OPCML: variants seen among roughly 807,000 people sequenced by gnomAD.
OPCML encodes opioid-binding protein/cell adhesion molecule.
A neutral mutation model predicts 37.8 loss-of-function variants in OPCML; 13 were observed. The ratio of observed to expected loss-of-function variants is 0.34; its 90% CI spans 0.22 to 0.55. The LOEUF (loss-of-function observed/expected upper bound fraction) is 0.55. Among genes scored for constraint, OPCML ranks in the 20% least tolerant of loss-of-function variants. OPCML has a pLI of 0.91. For synonymous variants in OPCML, 176 were observed against 168.8 expected (o/e 1.04, Z -0.33); for missense variants, 341 against 435.6 (o/e 0.78, Z 1.93).
chr11:132,549,851 G>A lies in OPCML; in HGVS notation c.380-20665C>T, dbSNP rs2096377477. On this transcript the variant is annotated intron_variant, in intron 3 of 7. Coordinates refer to ENST00000524381, the MANE Select transcript of OPCML (RefSeq NM_001012393.5). ...GTCTGTGAGTCCTATGTAAATCAGAGCCCACCTCCTCAAACCTGACTATAA... is the reference window on the plus strand; with the variant it reads ...GTCTGTGAGTCCTATGTAAATCAGAACCCACCTCCTCAAACCTGACTATAA... 2.0e-5 allele frequency among the ~76,000 whole-genome samples: 3 copies of A among 152,088 alleles called. No individual in the cohort carries two copies. The South Asian group carries it at 6.2e-4, about 31-fold the overall frequency.
At chr11:133,192,876 T>G (rs945554267) in intron 1 of OPCML, among the ~76,000 whole-genome samples, 1 of 151,946 alleles carries the variant, frequency 6.6e-6, no homozygotes, top group Admixed American at 6.6e-5. Flanking sequence ...TTTTCTTTTT[T>G]TTTTTTTTCA....
At chr11:132,511,015 G>C (rs1185575127) in intron 4 of OPCML, among the ~76,000 whole-genome samples, 1 of 152,056 alleles carries the variant, frequency 6.6e-6, no homozygotes, top group East Asian at 1.9e-4. Context: ...CATACTGACT[G>C]GTATGAAAGA....
At chr11:133,169,503 G>C (rs1279536029) in intron 1 of OPCML, among the ~76,000 whole-genome samples, 1 of 152,166 alleles carries the variant, frequency 6.6e-6, no homozygotes, top group Non-Finnish European at 1.5e-5. Context: ...TACAAGTTTT[G>C]CTGCTGTAAA....
chr11:132,734,905 T>A (rs994729371), intron 2 of OPCML, among the ~76,000 whole-genome samples: 14 of 152,062 alleles, frequency 9.2e-5, no homozygotes, highest in Non-Finnish European at 4.4e-5. Context: ...GTGAAAAAAA[T>A]GTCACTGGAA....
In OPCML at chr11:132,445,081, C is replaced by T. The variant is rs377639346; in HGVS notation, c.506-7722G>A. ...GCTGTGGCCACCAGGACCTCCTCTGCGGGAGGAGTGGCTTGCCCCCATCCA... is the reference window on the plus strand; with the variant it reads ...GCTGTGGCCACCAGGACCTCCTCTGTGGGAGGAGTGGCTTGCCCCCATCCA... On this transcript the variant is annotated intron_variant, in intron 4 of 7. Coordinates refer to ENST00000524381, the MANE Select transcript of OPCML (RefSeq NM_001012393.5). Among the ~76,000 whole-genome samples the T allele has an allele frequency of 5.6e-4, 85 of 152,326 alleles. 2 individuals are homozygous for T. The East Asian group carries it at 8.7e-3, about 16-fold the overall frequency.
intron 2 of OPCML, among the ~76,000 whole-genome samples, chr11:132,878,713 G>A (rs1289815799): frequency 6.6e-6 from 1 of 151,544 alleles, no homozygotes; most frequent in African/African-American, 2.4e-5. Flanking sequence ...GTGTCTATCT[G>A]TCTATCTATC....
intron 1 of OPCML, among the ~76,000 whole-genome samples, chr11:133,373,535 G>A (rs951394486): frequency 6.7e-6 from 1 of 149,864 alleles, no homozygotes; most frequent in Non-Finnish European, 1.5e-5. Context: ...TGAGGTGGGA[G>A]GATCACCTGA....
intron 1 of OPCML, chr11:133,026,477 T>G: frequency 1.1e-5 from 11 of 985,434 alleles, no homozygotes; most frequent in Non-Finnish European, 1.3e-5. Flanking sequence ...ATCCTGAACA[T>G]CCTCCACGCA....
chr11:133,005,953 C>T, intron 1 of OPCML: 1 of 985,432 alleles, frequency 1.0e-6, no homozygotes, highest in South Asian at 4.7e-5. Context: ...ATGTGTGCAG[C>T]TTCCAGGACA....
At chr11:132,777,514 A>G (rs1946846682) in intron 2 of OPCML, among the ~76,000 whole-genome samples, 2 of 152,196 alleles carry the variant, frequency 1.3e-5, no homozygotes, top group Admixed American at 1.3e-4. Flanking sequence ...GGAGTTACTA[A>G]TATATGAACT....
chr11:133,447,160 T>C (rs1946489224), intron 1 of OPCML, among the ~76,000 whole-genome samples: 2 of 152,210 alleles, frequency 1.3e-5, no homozygotes, highest in African/African-American at 4.8e-5. Flanking sequence ...TCACTAGCAA[T>C]GTATGAGAGT....
intron 1 of OPCML, among the ~76,000 whole-genome samples, chr11:133,104,982 G>T (rs1400732722): frequency 6.6e-6 from 1 of 152,094 alleles, no homozygotes; most frequent in African/African-American, 2.4e-5. Flanking sequence ...ATATTAATAG[G>T]CCAAAATAAT....
intron 1 of OPCML, among the ~76,000 whole-genome samples, chr11:133,219,784 T>C (rs1248651148): frequency 2.8e-5 from 4 of 141,390 alleles, no homozygotes; most frequent in African/African-American, 1.1e-4. Context: ...GAGACCTTTT[T>C]TATGATCACA....
chr11:132,971,376 A>G (rs1377315830), intron 1 of OPCML, among the ~76,000 whole-genome samples: 1 of 152,182 alleles, frequency 6.6e-6, no homozygotes, highest in Non-Finnish European at 1.5e-5. Flanking sequence ...ACATGCTAAA[A>G]TGAACAACAG....
Position 133,212,199 on chromosome 11 carries a change from G to A in OPCML, c.62-269189C>T, listed in dbSNP as rs1939391393. 6.6e-6 allele frequency among the ~76,000 whole-genome samples: 1 copy of A among 152,032 alleles called. No individual in the cohort carries two copies. The highest frequency in any genetic ancestry group is 1.5e-5 in the Non-Finnish European group (1 of 68,016). On this transcript the variant is annotated intron_variant, in intron 1 of 7. Coordinates refer to ENST00000524381, the MANE Select transcript of OPCML (RefSeq NM_001012393.5). The surrounding 1 kb of genome is among the most constrained non-coding windows in gnomAD (Gnocchi z 4.9). ...AATGACCAATCAATCAACCAAACCA[G>A]CAAGGACAACAACAAAAGCAATTTT... is the stretch of plus-strand genomic sequence containing the variant.
At chr11:133,502,326 AGGCAGGGT>A (rs2120550134) in intron 1 of OPCML, among the ~76,000 whole-genome samples, 1 of 152,336 alleles carries the variant, frequency 6.6e-6, no homozygotes, top group Admixed American at 6.5e-5. Context: ...GGACAGACAG[AGGCAGGGT>A]GGCAGGGTGG....
At chr11:132,810,464 G>A (rs1248721351) in intron 2 of OPCML, among the ~76,000 whole-genome samples, 1 of 152,144 alleles carries the variant, frequency 6.6e-6, no homozygotes, top group Admixed American at 6.5e-5. Context: ...CCAGCACTTT[G>A]GGAGGATCAC....
intron 2 of OPCML, among the ~76,000 whole-genome samples, chr11:132,670,669 A>C (rs1312392933): frequency 6.6e-6 from 1 of 152,142 alleles, no homozygotes; most frequent in Admixed American, 6.5e-5. Context: ...CAGTTTTCTC[A>C]TTTGGAAATA....
chr11:133,330,579 T>C (rs1366959251), intron 1 of OPCML, among the ~76,000 whole-genome samples: 3 of 151,162 alleles, frequency 2.0e-5, no homozygotes, highest in Admixed American at 6.6e-5. Flanking sequence ...AGCAAACTAT[T>C]GCAGGGACAA....
Sources: gnomAD v4.1 joint callset for allele counts (sites outside exome capture counted in the v4.1 genomes callset) on GRCh38, gnomAD v4.1.1 for gene constraint, Gnocchi (gnomAD v3.1) non-coding constraint, MANE v1.5 for transcripts, NCBI Gene and HGNC (gene_info 2026-07-23, HGNC 2026-07-21) for gene names.